Variants in FBXL3 observed in about 807,000 individuals in gnomAD.
FBXL3 encodes F-box/LRR-repeat protein 3.
FBXL3 carries 14 observed loss-of-function variants against 37.9 expected under a neutral mutation model. The ratio of observed to expected loss-of-function variants is 0.37; its 90% CI spans 0.24 to 0.58. The LOEUF (loss-of-function observed/expected upper bound fraction) is 0.58. FBXL3 is among the 20% of genes least tolerant of loss of function. The probability of loss-of-function intolerance (pLI) is 0.74; values close to 1 mark genes in which losing one functional copy is unlikely to be tolerated. For synonymous variants in FBXL3, 194 were observed against 180.1 expected (o/e 1.08, Z -0.62); for missense variants, 327 against 511.1 (o/e 0.64, Z 3.47).
intron 3 of FBXL3, chr13:77,017,053 T>C (rs1015327266): frequency 4.0e-5 from 4 of 99,472 alleles, no homozygotes; most frequent in Non-Finnish European, 5.7e-5. Context: ...AATTTAGCTC[T>C]GGACAAAAAC....
intron 3 of FBXL3, 166 bp from the exon 4 acceptor site, chr13:77,015,746 T>C (rs551296714): frequency 2.1e-4 from 87 of 407,310 alleles, no homozygotes; most frequent in African/African-American, 1.7e-3. Flanking sequence ...ATGGTAAAAA[T>C]AGGTGACTAT....
At chr13:77,019,272 TCTAAA>T (rs1293126551) in intron 2 of FBXL3, 1 of 151,996 alleles carries the variant, frequency 6.6e-6, no homozygotes, top group Non-Finnish European at 1.5e-5. Flanking sequence ...GGCATGAAAA[TCTAAA>T]CTAAATAAGA....
At chr13:77,009,030 A>AGG (rs2034499900) in intron 4 of FBXL3, 1 of 152,230 alleles carries the variant, frequency 6.6e-6, no homozygotes, top group Admixed American at 6.5e-5. Context: ...CCCACAAATA[A>AGG]TTTTAAAAAT....
At position 77,007,620 on chromosome 13, in the gene FBXL3, G is replaced by C; in HGVS notation, c.812C>G (p.Thr271Ser). Residue 271 changes from threonine (T) to serine (S), a missense_variant, in exon 5 of 5, where the codon ACT becomes AGT. Physicochemically the swap from Thr to Ser is moderately conservative, Grantham distance 58. Transcript: ENST00000355619. The part of the protein sequence containing the change: ...SENPGQTHFH[T>S]IQKSSWDAFI... ...AGCATCCCAGCTACTCTTCTGAATA[G>C]TATGGAAGTGTGTCTGTCCAGGATT... The C allele has an allele frequency of 6.2e-7, 1 of 1,614,178 alleles. No homozygotes were observed. Among genetic ancestry groups the C allele is most frequent in the Non-Finnish European group, 8.5e-7 (1 of 1,180,038 alleles).
intron 4 of FBXL3, chr13:77,015,008 C>G (rs2034618819): frequency 6.5e-6 from 1 of 152,766 alleles, no homozygotes; most frequent in African/African-American, 2.4e-5. Flanking sequence ...CAACTTAGTA[C>G]AACTCTTCTC....
At chr13:77,008,647 G>C (rs968480306) in intron 4 of FBXL3, 3 of 152,502 alleles carry the variant, frequency 2.0e-5, no homozygotes, top group African/African-American at 4.8e-5. Context: ...CTGCCTCCCG[G>C]GTTCAAGCAA....
intron 1 of FBXL3, 28 bp from the exon 2 acceptor site, chr13:77,021,889 T>G (rs774987983): frequency 6.5e-7 from 1 of 1,540,268 alleles, no homozygotes; most frequent in Non-Finnish European, 8.8e-7. Flanking sequence ...TCAGTTTTTT[T>G]CCTACTCAAC....
intron 2 of FBXL3, 66 bp from the exon 3 acceptor site, chr13:77,018,788 CCA>C: frequency 2.2e-6 from 3 of 1,350,904 alleles, no homozygotes; most frequent in African/African-American, 1.5e-5. Flanking sequence ...CCCCAAATAC[CCA>C]GACTTCAAGA....
chr13:77,009,556 T>C (rs1447699253), intron 4 of FBXL3: 1 of 152,246 alleles, frequency 6.6e-6, no homozygotes, highest in Non-Finnish European at 1.5e-5. Context: ...TCCGTTCCGA[T>C]ACCATCTCAC....
At chr13:77,026,501 G>T (rs1593939628) in intron 1 of FBXL3, 14 of 484,728 alleles carry the variant, frequency 2.9e-5, no homozygotes, top group Non-Finnish European at 3.8e-5. Flanking sequence ...ACCAGCCCCC[G>T]CCAAGGGTCA....
intron 3 of FBXL3, chr13:77,018,118 A>C (rs2034676870): frequency 1.3e-5 from 2 of 152,096 alleles, no homozygotes; most frequent in Admixed American, 6.6e-5. Context: ...CACCCAAAGA[A>C]AGGATGTCTT....
intron 3 of FBXL3, chr13:77,017,266 T>C (rs1350755506): frequency 1.3e-5 from 2 of 152,134 alleles, no homozygotes; most frequent in African/African-American, 4.8e-5. Context: ...ATATGCATAG[T>C]GATAAGAAAA....
At chr13:77,018,839 T>A in intron 2 of FBXL3, 117 bp from the exon 3 acceptor site, 1 of 808,440 alleles carries the variant, frequency 1.2e-6, no homozygotes, top group Non-Finnish European at 1.7e-6. Flanking sequence ...GTACACATAT[T>A]CATTTTATAG....
intron 1 of FBXL3, among the ~76,000 whole-genome samples, chr13:77,024,152 T>C (rs190912455): frequency 8.1e-4 from 124 of 152,324 alleles, no homozygotes; most frequent in Middle Eastern, 3.4e-3. Flanking sequence ...GAAAAGTGTA[T>C]AGTCTACACT....
intron 4 of FBXL3, among the ~76,000 whole-genome samples, chr13:77,011,330 G>A (rs543662956): frequency 7.4e-6 from 1 of 135,638 alleles, no homozygotes; most frequent in Non-Finnish European, 1.5e-5. Context: ...GCAACAAGAA[G>A]GAGACTTTGT....
intron 2 of FBXL3, among the ~76,000 whole-genome samples, chr13:77,019,492 G>A (rs1328989846): frequency 1.3e-5 from 2 of 152,192 alleles, no homozygotes; most frequent in African/African-American, 4.8e-5. Context: ...AGAGTGGATT[G>A]TAAAACTAAT....
chr13:77,025,377 G>C (rs1030337644), intron 1 of FBXL3, among the ~76,000 whole-genome samples: 6 of 152,150 alleles, frequency 3.9e-5, no homozygotes, highest in Non-Finnish European at 8.8e-5. Context: ...ACTGAGGAAA[G>C]ACCACAGACT....
chr13:77,018,453 CTATT>C (rs2034683553), intron 3 of FBXL3, 143 bp downstream of exon 3: 1 of 293,604 alleles, frequency 3.4e-6, no homozygotes, highest in South Asian at 1.4e-4. Context: ...TAAAAAAATA[CTATT>C]TATTTTCATC....
At chr13:77,021,335 A>G (rs1368442107) in intron 2 of FBXL3, among the ~76,000 whole-genome samples, 178 bp downstream of exon 2, 2 of 151,808 alleles carry the variant, frequency 1.3e-5, no homozygotes, top group African/African-American at 4.8e-5. Flanking sequence ...TAATAGAGTA[A>G]TTTAGCTCCA....
Sources: gnomAD v4.1 joint callset for allele counts (sites outside exome capture counted in the v4.1 genomes callset) on GRCh38, gnomAD v4.1.1 for gene constraint, MANE v1.5 for transcripts, NCBI Gene and HGNC (gene_info 2026-07-23, HGNC 2026-07-21) for gene names.